Variants in MYOG observed in about 807,000 individuals in gnomAD.
The protein encoded by MYOG is class C basic helix-loop-helix protein 3.
A neutral mutation model predicts 17.7 loss-of-function variants in MYOG; 6 were observed. The observed-to-expected ratio is 0.34, with a 90% CI of 0.19 to 0.67. MYOG has a LOEUF of 0.67. Among genes scored for constraint, MYOG ranks in the 30% least tolerant of loss-of-function variants. The pLI, the probability that MYOG is intolerant of heterozygous loss-of-function variation, is 0.69. For missense variants in MYOG, 272 were observed against 302.0 expected, an observed-to-expected ratio of 0.90 and a Z score of 0.74; for synonymous variants, 125 against 130.2, an observed-to-expected ratio of 0.96 and a Z score of 0.27.
chr1:203,083,938 G>A lies in MYOG; in HGVS notation c.647C>T (p.Ala216Val). The part of the protein sequence containing the change: ...DSITVEDVSV[A>V]FPDETMPN ...GTTGGGCATGGTTTCATCTGGGAAG[G>A]CCACAGACACATCTTCCACTGTGAT... The change falls in exon 3 of 3, where the codon GCC becomes GTC. Residue 216 changes from alanine (A) to valine (V), a missense_variant. By Grantham distance (64) the Ala-to-Val change is moderately conservative. Coordinates refer to ENST00000241651, the MANE Select transcript of MYOG (RefSeq NM_002479.6). 1.3e-6 allele frequency: 2 copies of A among 1,590,918 alleles called. No individual in the cohort carries two copies. The highest frequency in any genetic ancestry group is 1.7e-6 in the Non-Finnish European group (2 of 1,168,048).
Position 203,085,510 on chromosome 1 carries a change from C to T in MYOG, c.452G>A (p.Gly151Glu), listed in dbSNP as rs760268517. Residue 151 changes from glycine (G) to glutamate (E), a missense_variant, in exon 1 of 3, where the codon GGG becomes GAG. Coordinates refer to ENST00000241651, the MANE Select transcript of MYOG (RefSeq NM_002479.6). ...ACTTACCCCTGGCTGGGGCCCGCCC[C>T]CGCCCCGGTAGCGGAGGTCACGCTC... is the stretch of plus-strand genomic sequence containing the variant. The part of the protein sequence containing the change: ...QEERDLRYRG[G>E]GGPQPGVPSE... The T allele has an allele frequency of 5.6e-5, 90 of 1,613,080 alleles. No individual in the cohort carries two copies. The highest frequency in any genetic ancestry group is 7.4e-5 in the Non-Finnish European group (87 of 1,179,462).
intron 2 of MYOG, 141 bp from the exon 3 acceptor site, chr1:203,084,172 C>T (rs898024281): frequency 1.0e-6 from 1 of 994,616 alleles, no homozygotes; most frequent in East Asian, 2.6e-5. Flanking sequence ...CTCCCTAGTC[C>T]CTGCCTTTCC....
chr1:203,083,717 A>G lies in MYOG; in HGVS notation c.*193T>C. 1.3e-6 allele frequency: 1 copy of G among 790,720 alleles called. No individual in the cohort carries two copies. The highest frequency in any genetic ancestry group is 2.0e-6 in the Non-Finnish European group (1 of 505,996). The allele number at this position is 790,720 out of a possible 1,614,324, so 49.0% of individuals were successfully genotyped here. On this transcript the variant is annotated 3_prime_UTR_variant, in exon 3 of 3. Coordinates refer to ENST00000241651, the MANE Select transcript of MYOG (RefSeq NM_002479.6). ...TCTCCTCTAAGGAGGCAGCTGAATGAGGGCGTCCAGTCCCTTGCTGGGGGG... is the reference window on the plus strand; with the variant it reads ...TCTCCTCTAAGGAGGCAGCTGAATGGGGGCGTCCAGTCCCTTGCTGGGGGG...
In MYOG at chr1:203,083,872, TGGG is replaced by T; in HGVS notation, c.*35_*37del. ...GAAGTAGTGGCATCTGTGGCCAGCT[TGGG>T]GGGCTCGCAAGGATGCCCGGCTTGG... On this transcript the variant is annotated 3_prime_UTR_variant, in exon 3 of 3. Coordinates refer to ENST00000241651, the MANE Select transcript of MYOG (RefSeq NM_002479.6). 3 of 1,574,374 alleles carry T rather than the reference TGGG, an allele frequency of 1.9e-6. No individual in the cohort carries two copies. Among genetic ancestry groups the T allele is most frequent in the East Asian group, 2.3e-5 (1 of 43,652 alleles).
Position 203,083,740 on chromosome 1 carries a change from G to T in MYOG, c.*170C>A. On this transcript the variant is annotated 3_prime_UTR_variant, in exon 3 of 3. Coordinates refer to ENST00000241651, the MANE Select transcript of MYOG (RefSeq NM_002479.6). Reference sequence around the variant, plus strand: ...TGAGGGCGTCCAGTCCCTTGCTGGGGGGTGGGTTAACCTTACATGGATGAG... The same window carrying T: ...TGAGGGCGTCCAGTCCCTTGCTGGGTGGTGGGTTAACCTTACATGGATGAG... 1.0e-6 allele frequency: 1 copy of T among 972,788 alleles called. No homozygotes were observed. Among genetic ancestry groups the T allele is most frequent in the African/African-American group, 1.6e-5 (1 of 61,270 alleles). 60.3% of individuals were successfully genotyped at this position (972,788 alleles called of 1,614,324 possible).
chr1:203,084,104 A>T, intron 2 of MYOG, 73 bp from the exon 3 acceptor site: 1 of 1,543,756 alleles, frequency 6.5e-7, no homozygotes, highest in Non-Finnish European at 8.8e-7. Flanking sequence ...AGAGGATGGG[A>T]CCCTTGGGGT....
In MYOG at chr1:203,084,650, CT is replaced by C. The variant is rs1558114470; in HGVS notation, c.549del (p.Asp185IlefsTer68). 1 of 1,610,106 alleles carries C rather than the reference CT, an allele frequency of 6.2e-7. No homozygotes were observed. Among genetic ancestry groups the C allele is most frequent in the Non-Finnish European group, 8.5e-7 (1 of 1,178,150 alleles). ...TTACCAGTCAGGCCTTACTTACCCC[CT>C]GGGTTGGCGCTGAACTCCAGTGCAC... Reference protein sequence around the residue: ...WGSALEFSANPGDHLLTADPT... With the variant: ...WGSALEFSANXGDHLLTADPT... On this transcript the variant is annotated frameshift_variant, in exon 2 of 3. Coordinates refer to ENST00000241651, the MANE Select transcript of MYOG (RefSeq NM_002479.6). LOFTEE classifies it high-confidence loss of function.
intron 1 of MYOG, 60 bp from the exon 2 acceptor site, chr1:203,084,788 G>A: frequency 6.6e-7 from 1 of 1,510,072 alleles, no homozygotes; most frequent in Non-Finnish European, 9.0e-7. Context: ...GTCTCTCTCT[G>A]CCTAGTCCCA....
Position 203,083,585 on chromosome 1 carries a change from G to T in MYOG, c.*325C>A. 3.8e-6 allele frequency: 2 copies of T among 530,214 alleles called. No homozygotes were observed. Among genetic ancestry groups the T allele is most frequent in the Non-Finnish European group, 6.7e-6 (2 of 299,300 alleles). 32.8% of individuals were successfully genotyped at this position (530,214 alleles called of 1,614,324 possible). A position where few individuals can be genotyped will look rare whatever the true frequency, so the allele number is the denominator to read the frequency against. ...GTTTCACTTGGGGGGTGGAATTAGA[G>T]GCCGCGTTATGATAAAAAGGAAGCT... On this transcript the variant is annotated 3_prime_UTR_variant, in exon 3 of 3. Coordinates refer to ENST00000241651, the MANE Select transcript of MYOG (RefSeq NM_002479.6).
At chr1:203,085,366 G>T (rs1283071106) in intron 1 of MYOG, 125 bp downstream of exon 1, 7 of 865,142 alleles carry the variant, frequency 8.1e-6, no homozygotes, top group Non-Finnish European at 5.2e-6. Flanking sequence ...AAGGGCTCCT[G>T]CAGCCCCTCG....
chr1:203,084,459 C>T (rs1269617818), intron 2 of MYOG, among the ~76,000 whole-genome samples, 188 bp downstream of exon 2: 1 of 152,166 alleles, frequency 6.6e-6, no homozygotes, highest in Admixed American at 6.5e-5. Flanking sequence ...TACTATCACT[C>T]CTTTGCTGGT....
intron 1 of MYOG, 43 bp downstream of exon 1, chr1:203,085,448 T>G: frequency 6.5e-7 from 1 of 1,541,068 alleles, no homozygotes; most frequent in African/African-American, 1.4e-5. Context: ...TGCCTCCCTC[T>G]GGCCCCGTCC....
chr1:203,085,333 G>A (rs1473934638), intron 1 of MYOG, among the ~76,000 whole-genome samples, 158 bp downstream of exon 1: 1 of 152,192 alleles, frequency 6.6e-6, no homozygotes, highest in Non-Finnish European at 1.5e-5. Context: ...GAGGTCAGCT[G>A]GATAGCCCAG....
At position 203,085,811 on chromosome 1, in the gene MYOG, C is replaced by T. The variant is rs1023300069; in HGVS notation, c.151G>A (p.Glu51Lys). The change falls in exon 1 of 3, where the codon GAG becomes AAG. Residue 51 changes from glutamate to lysine, a missense_variant. Physicochemically the swap from Glu to Lys is moderately conservative, Grantham distance 56. Transcript: ENST00000241651. Reference sequence around the variant, plus strand: ...TCGGGGGTCCCCAGCCCCTTGTCCTCAAGGGGCCCTGGGGCCTCGGGGCTC... The same window carrying T: ...TCGGGGGTCCCCAGCCCCTTGTCCTTAAGGGGCCCTGGGGCCTCGGGGCTC... ...TLSPEAPGPL[E>K]DKGLGTPEHC... 6.8e-6 allele frequency: 11 copies of T among 1,613,954 alleles called. No individual in the cohort carries two copies. Among genetic ancestry groups the T allele is most frequent in the Non-Finnish European group, 9.3e-6 (11 of 1,179,920 alleles).
Position 203,083,872 on chromosome 1 carries a change from T to A in MYOG, c.*38A>T. 1 of 1,574,374 alleles carries A rather than the reference T, an allele frequency of 6.4e-7. No homozygotes were observed. Among genetic ancestry groups the A allele is most frequent in the South Asian group, 1.2e-5 (1 of 85,904 alleles). ...GAAGTAGTGGCATCTGTGGCCAGCT[T>A]GGGGGGCTCGCAAGGATGCCCGGCT... On this transcript the variant is annotated 3_prime_UTR_variant, in exon 3 of 3. Coordinates refer to ENST00000241651, the MANE Select transcript of MYOG (RefSeq NM_002479.6).
Position 203,085,850 on chromosome 1 carries a change from T to A in MYOG, c.112A>T (p.Thr38Ser), listed in dbSNP as rs778210794. Residue 38 changes from threonine to serine, a missense_variant, in exon 1 of 3, where the codon ACG (threonine) becomes TCG (serine). Thr to Ser is a moderately conservative substitution (Grantham distance 58). Transcript: ENST00000241651. ...QGFEPPGYER[T>S]ELTLSPEAPG... ...GCCTCGGGGCTCAGGGTGAGCTCCGTCCGCTCGTAGCCTGGTGGTTCGAAG... is the reference window on the plus strand; with the variant it reads ...GCCTCGGGGCTCAGGGTGAGCTCCGACCGCTCGTAGCCTGGTGGTTCGAAG... The A allele has an allele frequency of 6.2e-7, 1 of 1,613,928 alleles. No homozygotes were observed. The highest frequency in any genetic ancestry group is 8.5e-7 in the Non-Finnish European group (1 of 1,179,940).
rs1220980652 is a variant in MYOG, at chr1:203,083,728, T to A, written c.*182A>T. On this transcript the variant is annotated 3_prime_UTR_variant, in exon 3 of 3. Coordinates refer to ENST00000241651, the MANE Select transcript of MYOG (RefSeq NM_002479.6). ...GAGGCAGCTGAATGAGGGCGTCCAG[T>A]CCCTTGCTGGGGGGTGGGTTAACCT... 2 of 881,942 alleles carry A rather than the reference T, an allele frequency of 2.3e-6. No homozygotes were observed. Among genetic ancestry groups the A allele is most frequent in the African/African-American group, 1.7e-5 (1 of 59,376 alleles). 54.6% of individuals were successfully genotyped at this position (881,942 alleles called of 1,614,324 possible). A position where few individuals can be genotyped will look rare whatever the true frequency, so the allele number is the denominator to read the frequency against.
At position 203,083,964 on chromosome 1, in the gene MYOG, G is replaced by T; in HGVS notation, c.621C>A (p.Ser207Arg). The T allele has an allele frequency of 6.3e-7, 1 of 1,592,518 alleles. No homozygotes were observed. Residue 207 changes from serine to arginine, a missense_variant, in exon 3 of 3, where the codon AGC becomes AGA. Ser to Arg is a moderately radical substitution (Grantham distance 110). Transcript: ENST00000241651. The part of the protein sequence containing the change: ...NLHSLTSIVD[S>R]ITVEDVSVAF... ...CCACAGACACATCTTCCACTGTGAT[G>T]CTGTCCACGATGGAGGTGAGGGAGT...
At position 203,085,788 on chromosome 1, in the gene MYOG, G is replaced by A. The variant is rs771468376; in HGVS notation, c.174C>T (p.Pro58=). 8 of 1,613,774 alleles carry A rather than the reference G, an allele frequency of 5.0e-6. No homozygotes were observed. Among genetic ancestry groups the A allele is most frequent in the African/African-American group, 2.7e-5 (2 of 74,908 alleles). Reference sequence around the variant, plus strand: ...GCAGGCACTGGCCTGGACAGTGCTCGGGGGTCCCCAGCCCCTTGTCCTCAA... The same window carrying A: ...GCAGGCACTGGCCTGGACAGTGCTCAGGGGTCCCCAGCCCCTTGTCCTCAA... ...GPLEDKGLGT[P]EHCPGQCLPW... Residue 58 remains proline (P), a synonymous_variant, in exon 1 of 3, where the codon CCC becomes CCT. Transcript: ENST00000241651.
Sources: allele counts gnomAD v4.1 joint callset (sites outside exome capture counted in the v4.1 genomes callset), GRCh38; gene constraint gnomAD v4.1.1; transcripts MANE v1.5; gene names NCBI Gene and HGNC (gene_info 2026-07-23, HGNC 2026-07-21).